MIA2: variants seen among roughly 807,000 people sequenced by gnomAD.
MIA2 encodes the protein melanoma inhibitory activity protein 2.
In MIA2, 127 loss-of-function variants were observed where a neutral mutation model predicts 167.8. That is an observed-to-expected ratio of 0.76 (90% confidence interval 0.66 to 0.88). MIA2 has a LOEUF of 0.88. MIA2 is among the 40% of genes least tolerant of loss of function. The pLI is 0.00. For missense variants in MIA2, 1,690 were observed against 1,624.7 expected (o/e 1.04, Z -0.69); for synonymous variants, 552 against 541.9 (o/e 1.02, Z -0.26).
chr14:39,311,937 C>G (rs1469463463), intron 18 of MIA2, among the ~76,000 whole-genome samples: 1 of 151,414 alleles, frequency 6.6e-6, no homozygotes, highest in African/African-American at 2.4e-5. Context: ...TCAAGCAATT[C>G]TCCTGCCTCA....
chr14:39,360,263 C>A (rs986079143), intron 23 of MIA2, among the ~76,000 whole-genome samples: 7 of 152,184 alleles, frequency 4.6e-5, no homozygotes, highest in African/African-American at 1.7e-4. Context: ...GATTGTGCCA[C>A]TGAACTCCAG....
In MIA2 at chr14:39,382,484, G is replaced by T. The variant is rs570267416; in HGVS notation, c.2249-4401G>T. Among the ~76,000 whole-genome samples, 163 of 152,212 alleles carry T rather than the reference G, an allele frequency of 1.1e-3. 1 individual carries two copies. The highest frequency in any genetic ancestry group is 3.2e-3 in the Middle Eastern group (1 of 316). On this transcript the variant is annotated intron_variant, in intron 23 of 23. Coordinates refer to the MIA2 transcript ENST00000341502. ...CAGCTTTGTACCTTTCTGCAAAGATGATTTTGAGGGCTTCAGTATTTAAAG... is the reference window on the plus strand; with the variant it reads ...CAGCTTTGTACCTTTCTGCAAAGATTATTTTGAGGGCTTCAGTATTTAAAG...
rs781018209 is a variant in MIA2 at position 39,267,487 on chromosome 14, C to T, written c.1888-9447C>T. 3 of 1,613,332 alleles carry T rather than the reference C, an allele frequency of 1.9e-6. No individual in the cohort carries two copies. The African/African-American group carries it at 4.0e-5, about 22-fold the overall frequency. ...GGAGGAGCCCGGGGTTACCCCTCAA[C>T]CGTATTTGGGGCTGCTCCTGGAGGA... On this transcript the variant is annotated intron_variant, in intron 6 of 28. Transcript: ENST00000640607.
At position 39,323,456 on chromosome 14, in the gene MIA2, C is replaced by T. The variant is rs148380587; in HGVS notation, c.3496+2400C>T. Among the ~76,000 whole-genome samples the T allele has an allele frequency of 6.6e-5, 10 of 151,414 alleles. No homozygotes were observed. The East Asian group carries it at 1.7e-3, about 26-fold the overall frequency. ...CTTAGTTCTCTAAGTCCACCCCCAC[C>T]CCTCCATTTTTTACCTTGGCTTACA... On this transcript the variant is annotated intron_variant, in intron 24 of 28. Transcript: ENST00000640607.
intron 28 of MIA2, among the ~76,000 whole-genome samples, chr14:39,349,470 A>AT (rs2074080396): frequency 6.6e-6 from 1 of 152,222 alleles, no homozygotes; most frequent in Non-Finnish European, 1.5e-5. Context: ...AAAGCTTCAC[A>AT]TAAGAAAAAG....
intron 24 of MIA2, among the ~76,000 whole-genome samples, chr14:39,323,239 AG>A (rs926730675): frequency 3.9e-5 from 6 of 151,958 alleles, no homozygotes; most frequent in Admixed American, 3.9e-4. Flanking sequence ...TCCACCTCCC[AG>A]TCCCCCCAGT....
rs910568167 is a variant in MIA2, at chr14:39,308,492, A to G, written c.2922A>G (p.Ser974=). 1.3e-6 allele frequency: 2 copies of G among 1,570,912 alleles called. No homozygotes were observed. Among genetic ancestry groups the G allele is most frequent in the Non-Finnish European group, 1.7e-6 (2 of 1,153,950 alleles). ...AGACTGAACAAGCATCTTTGCAGTC[A>G]GAAAACACACATTTTGAAAATGAGA... ...NLQTEQASLQ[S]ENTHFENENQ... The change falls in exon 18 of 29, where the codon TCA becomes TCG. Residue 974 remains serine (S), a synonymous_variant. Transcript: ENST00000640607.
chr14:39,297,397 A>G (rs546349559), intron 13 of MIA2, among the ~76,000 whole-genome samples: 11 of 152,176 alleles, frequency 7.2e-5, no homozygotes, highest in African/African-American at 2.2e-4. Context: ...TGGCCAGGTT[A>G]GGGTATTTCT....
intron 23 of MIA2, 84 bp from the exon 24 acceptor site, chr14:39,320,844 T>C (rs951932220): frequency 1.4e-6 from 2 of 1,436,720 alleles, no homozygotes; most frequent in South Asian, 1.3e-5. Context: ...GATGACCTGA[T>C]GGTAATTGTC....
Position 39,364,088 on chromosome 14 carries a change from G to A in MIA2, c.2248+15111G>A, listed in dbSNP as rs146068867. 1.1e-4 allele frequency among the ~76,000 whole-genome samples: 16 copies of A among 152,234 alleles called. 1 individual carries two copies. Among genetic ancestry groups the A allele is most frequent in the East Asian group, 3.9e-4 (2 of 5,182 alleles). On this transcript the variant is annotated intron_variant, in intron 23 of 23. Transcript: ENST00000341502. ...AAAATTGTTTTCTGGGGCCGGGCAC[G>A]GTGGCTTATGCCTGTAATCCCAGCA...
chr14:39,360,685 G>A (rs2074663564), intron 23 of MIA2, among the ~76,000 whole-genome samples: 1 of 151,950 alleles, frequency 6.6e-6, no homozygotes, highest in African/African-American at 2.4e-5. Flanking sequence ...GTCCATTTTT[G>A]TTTTTGTTAC....
intron 25 of MIA2, among the ~76,000 whole-genome samples, chr14:39,345,156 G>A (rs1310081518): frequency 6.6e-6 from 1 of 152,064 alleles, no homozygotes; most frequent in Non-Finnish European, 1.5e-5. Context: ...TCGGCTCACT[G>A]CAACCTCTGC....
intron 6 of MIA2, among the ~76,000 whole-genome samples, chr14:39,260,627 A>T (rs1320371209): frequency 1.3e-5 from 2 of 152,176 alleles, no homozygotes; most frequent in Non-Finnish European, 2.9e-5. Flanking sequence ...AGATGGGTAG[A>T]TTGCAAAAAT....
chr14:39,306,253 T>C (rs1224980649), intron 17 of MIA2, among the ~76,000 whole-genome samples: 2 of 152,212 alleles, frequency 1.3e-5, no homozygotes, highest in African/African-American at 4.8e-5. Flanking sequence ...CGTTCTCACA[T>C]TGCTGTAAAG....
intron 24 of MIA2, among the ~76,000 whole-genome samples, chr14:39,324,724 A>G (rs2067130289): frequency 6.6e-6 from 1 of 151,346 alleles, no homozygotes; most frequent in South Asian, 2.1e-4. Flanking sequence ...CTTGTTCCTT[A>G]GCTTCCCGAG....
chr14:39,386,534 CT>C, intron 23 of MIA2: 1 of 1,338,626 alleles, frequency 7.5e-7, no homozygotes, highest in Non-Finnish European at 1.0e-6. Context: ...CACATTTCTC[CT>C]TTTTCTTTGG....
chr14:39,312,961 G>A (rs1055699137), intron 18 of MIA2, among the ~76,000 whole-genome samples: 5 of 151,868 alleles, frequency 3.3e-5, no homozygotes, highest in African/African-American at 4.8e-5. Context: ...AAAAATTAAC[G>A]AAACACATTT....
At chr14:39,367,113 T>G (rs1282371697) in intron 23 of MIA2, among the ~76,000 whole-genome samples, 1 of 152,146 alleles carries the variant, frequency 6.6e-6, no homozygotes, top group Non-Finnish European at 1.5e-5. Flanking sequence ...CAGGCAGGTT[T>G]CAGGCTCTGG....
chr14:39,328,106 T>A (rs1449306734), intron 25 of MIA2, among the ~76,000 whole-genome samples: 2 of 152,236 alleles, frequency 1.3e-5, no homozygotes, highest in Non-Finnish European at 2.9e-5. Flanking sequence ...GCGTTCCTAT[T>A]TCTTCACATC....
Sources: gnomAD v4.1 joint callset for allele counts (sites outside exome capture counted in the v4.1 genomes callset) on GRCh38, gnomAD v4.1.1 for gene constraint, MANE v1.5 for transcripts, NCBI Gene and HGNC (gene_info 2026-07-23, HGNC 2026-07-21) for gene names.